The following CNTNAP5 variants were observed in gnomAD, a reference collection of about 807,000 sequenced individuals.
CNTNAP5 encodes the protein contactin associated protein family member 5.
A neutral mutation model predicts 150.2 loss-of-function variants in CNTNAP5; 72 were observed. That is an observed-to-expected ratio of 0.48 (90% CI 0.40 to 0.58). The LOEUF (loss-of-function observed/expected upper bound fraction) is 0.58. Ranked by LOEUF, CNTNAP5 falls within the 20% of genes least tolerant of loss-of-function variation. The pLI, the probability that CNTNAP5 is intolerant of heterozygous loss-of-function variation, is 0.00. For synonymous variants in CNTNAP5, 672 were observed against 619.8 expected, an observed-to-expected ratio of 1.08 and a Z score of -1.25; for missense variants, 1,636 against 1,626.2, an observed-to-expected ratio of 1.01 and a Z score of -0.10.
chr2:124,918,730 C>A lies in CNTNAP5; in HGVS notation c.*4442C>A, dbSNP rs931136996. 6.6e-6 allele frequency among the ~76,000 whole-genome samples: 1 copy of A among 152,062 alleles called. No homozygotes were observed. Among genetic ancestry groups the A allele is most frequent in the Non-Finnish European group, 1.5e-5 (1 of 67,986 alleles). On this transcript the variant is annotated 3_prime_UTR_variant, in exon 24 of 24. Coordinates refer to ENST00000682447, the MANE Select transcript of CNTNAP5 (RefSeq NM_001367498.1). ...CTGTATGGTTCTGCCAGTCATTCTTCCTTAATGAAAAGGCTTGGACATACT... is the reference window on the plus strand; with the variant it reads ...CTGTATGGTTCTGCCAGTCATTCTTACTTAATGAAAAGGCTTGGACATACT...
chr2:124,420,722 G>C (rs757044594), intron 4 of CNTNAP5, among the ~76,000 whole-genome samples: 1 of 152,138 alleles, frequency 6.6e-6, no homozygotes, highest in Non-Finnish European at 1.5e-5. Context: ...TTCACCTGTG[G>C]ACTACAGTTT....
rs1284607285 is a variant in CNTNAP5 at position 124,865,155 on chromosome 2, C to T, written c.3218-151C>T. The T allele has an allele frequency of 1.0e-5, 6 of 595,456 alleles. No homozygotes were observed. The East Asian group carries it at 1.8e-4, about 18-fold the overall frequency. The allele number at this position is 595,456 out of a possible 1,614,324, so 36.9% of individuals were successfully genotyped here. On this transcript the variant is annotated intron_variant, in intron 19 of 23. Transcript: ENST00000682447. ...CTCTTCAGAATTTTCTTTAGGGACC[C>T]TGATAAATATACGTGATATATTTTT...
At chr2:124,297,948 G>A (rs1014648185) in intron 3 of CNTNAP5, among the ~76,000 whole-genome samples, 8 of 151,582 alleles carry the variant, frequency 5.3e-5, no homozygotes, top group Admixed American at 4.0e-4. Flanking sequence ...GGGTTCAAGC[G>A]ATTCTCCTGC....
intron 1 of CNTNAP5, among the ~76,000 whole-genome samples, chr2:124,220,092 A>G (rs1432641235): frequency 6.6e-6 from 1 of 152,058 alleles, no homozygotes; most frequent in African/African-American, 2.4e-5. Flanking sequence ...GTTAGTTAAA[A>G]TACTGCTAAG....
intron 2 of CNTNAP5, among the ~76,000 whole-genome samples, chr2:124,227,434 TACAC>T (rs1433569303): frequency 1.2e-4 from 18 of 152,052 alleles, no homozygotes; most frequent in Admixed American, 1.1e-3. Flanking sequence ...CTCCCTCACA[TACAC>T]ACTCACAAAC....
At position 124,226,032 on chromosome 2, in the gene CNTNAP5, C is replaced by A. The variant is rs185199328; in HGVS notation, c.187+4223C>A. ...TTTATTGATCAAGAAACACTTAGGT[C>A]GCTTCCGTATCTTGGCTGCTATGAC... On this transcript the variant is annotated intron_variant, in intron 2 of 23. Transcript: ENST00000682447. Among the ~76,000 whole-genome samples the A allele has an allele frequency of 3.8e-3, 578 of 152,174 alleles. 5 individuals are homozygous for A. The highest frequency in any genetic ancestry group is 0.013 in the African/African-American group (558 of 41,512).
chr2:124,664,653 A>G (rs1678660319), intron 13 of CNTNAP5, among the ~76,000 whole-genome samples: 2 of 152,180 alleles, frequency 1.3e-5, no homozygotes, highest in African/African-American at 4.8e-5. Context: ...CCCTGAATGA[A>G]ATACATGCAA....
chr2:124,222,708 A>G (rs992334238), intron 2 of CNTNAP5, among the ~76,000 whole-genome samples: 4 of 150,386 alleles, frequency 2.7e-5, no homozygotes, highest in Non-Finnish European at 4.4e-5. Context: ...ATTCTGGAAT[A>G]AGTTCTAATT....
chr2:124,088,033 T>C (rs532055771), intron 1 of CNTNAP5, among the ~76,000 whole-genome samples: 3 of 152,144 alleles, frequency 2.0e-5, no homozygotes, highest in Non-Finnish European at 4.4e-5. Flanking sequence ...CAAGTTATTT[T>C]AGCCCCACCC....
intron 13 of CNTNAP5, among the ~76,000 whole-genome samples, chr2:124,729,143 G>A (rs1337502171): frequency 6.6e-6 from 1 of 152,030 alleles, no homozygotes; most frequent in Non-Finnish European, 1.5e-5. Flanking sequence ...GGCTGCAGGA[G>A]TCAGCCCACT....
chr2:124,867,465 G>T (rs1467923134), intron 20 of CNTNAP5, among the ~76,000 whole-genome samples: 1 of 152,136 alleles, frequency 6.6e-6, no homozygotes, highest in Non-Finnish European at 1.5e-5. Flanking sequence ...AAAATCCAGT[G>T]GTCATGTCTC....
chr2:124,870,795 A>G (rs1677731301), intron 21 of CNTNAP5, among the ~76,000 whole-genome samples: 1 of 152,134 alleles, frequency 6.6e-6, no homozygotes. Context: ...GCAAATTCAC[A>G]GGTAGAAGGA....
chr2:124,302,520 G>C lies in CNTNAP5; in HGVS notation c.381+60127G>C, dbSNP rs540657524. On this transcript the variant is annotated intron_variant, in intron 3 of 23. Transcript: ENST00000682447. Reference sequence around the variant, plus strand: ...AGGGACACGGAGGGTGAGGGCAAGAGAGTGAGAGAGGAAAAGTACTAAACC... The same window carrying C: ...AGGGACACGGAGGGTGAGGGCAAGACAGTGAGAGAGGAAAAGTACTAAACC... Among the ~76,000 whole-genome samples, 7 of 152,278 alleles carry C rather than the reference G, an allele frequency of 4.6e-5. No individual in the cohort carries two copies. In the East Asian group the frequency reaches 1.4e-3, roughly 29 times the overall value.
intron 6 of CNTNAP5, among the ~76,000 whole-genome samples, chr2:124,468,614 A>T (rs541644415): frequency 1.4e-4 from 21 of 152,218 alleles, no homozygotes; most frequent in Admixed American, 8.5e-4. Flanking sequence ...AGAAACACCC[A>T]GATACACCCA....
intron 13 of CNTNAP5, among the ~76,000 whole-genome samples, chr2:124,681,753 C>T (rs549099950): frequency 4.6e-5 from 7 of 151,976 alleles, no homozygotes; most frequent in African/African-American, 9.6e-5. Context: ...TTATTAGAGA[C>T]GGGTTTCACC....
intron 3 of CNTNAP5, among the ~76,000 whole-genome samples, chr2:124,348,047 G>C (rs1260473713): frequency 1.3e-5 from 2 of 152,000 alleles, no homozygotes; most frequent in African/African-American, 2.4e-5. Context: ...AGCCAGGATG[G>C]TCTCGATCTC....
intron 13 of CNTNAP5, among the ~76,000 whole-genome samples, chr2:124,729,467 A>G (rs564362777): frequency 6.6e-5 from 10 of 152,200 alleles, no homozygotes; most frequent in African/African-American, 2.2e-4. Flanking sequence ...TGACTAGGTA[A>G]AAAGCATTAA....
intron 1 of CNTNAP5, among the ~76,000 whole-genome samples, chr2:124,205,044 A>T (rs1435346265): frequency 6.6e-6 from 1 of 152,212 alleles, no homozygotes; most frequent in Non-Finnish European, 1.5e-5. Flanking sequence ...CAAAGCCATT[A>T]GTTGTAGCCC....
intron 17 of CNTNAP5, among the ~76,000 whole-genome samples, chr2:124,788,734 GC>G (rs1322714775): frequency 1.3e-5 from 2 of 151,734 alleles, no homozygotes; most frequent in African/African-American, 4.8e-5. Context: ...CTGGGTTCAA[GC>G]AATTCTCCTG....
Sources: gnomAD v4.1 joint callset for allele counts (sites outside exome capture counted in the v4.1 genomes callset) on GRCh38, gnomAD v4.1.1 for gene constraint, MANE v1.5 for transcripts, NCBI Gene and HGNC (gene_info 2026-07-23, HGNC 2026-07-21) for gene names.